RIF1: variants seen among roughly 807,000 people sequenced by gnomAD.
The protein encoded by RIF1 is replication timing regulatory factor 1, also known as telomere-associated protein RIF1.
Under a neutral mutation model 247.1 loss-of-function variants are expected in RIF1, and 45 were observed. That is an observed-to-expected ratio of 0.18 (90% CI 0.14 to 0.23). The LOEUF is 0.23. Among genes scored for constraint, RIF1 ranks in the 10% least tolerant of loss-of-function variants. The pLI, the probability that RIF1 is intolerant of heterozygous loss-of-function variation, is 1.00. For synonymous variants in RIF1, 1,087 were observed against 978.8 expected (o/e 1.11, Z -2.06); for missense variants, 2,967 against 2,862.5 (o/e 1.04, Z -0.83).
In RIF1 at chr2:151,461,120, A is replaced by C. The variant is rs199645697; in HGVS notation, c.3076-18A>C. The C allele has an allele frequency of 3.8e-6, 6 of 1,598,484 alleles. No homozygotes were observed. In the African/African-American group the frequency reaches 8.1e-5, roughly 22 times the overall value. On this transcript the variant is annotated intron_variant, in intron 26 of 35. Coordinates refer to ENST00000444746, the MANE Select transcript of RIF1 (RefSeq NM_018151.5). ...TGGAAGCTAAAATGTACATTTGCTT[A>C]TTTTTTCAAATCTGCAGCTGAAACT...
intron 14 of RIF1, 55 bp from the exon 15 acceptor site, chr2:151,439,972 C>CAAAA (rs1165450117): frequency 0.019 from 5,318 of 275,226 alleles, 349 homozygotes; most frequent in African/African-American, 0.15. Context: ...GACCCTGTCT[C>CAAAA]AAAAAAAAAA....
chr2:151,419,680 C>T (rs112105137), intron 6 of RIF1, among the ~76,000 whole-genome samples: 80 of 152,212 alleles, frequency 5.3e-4, no homozygotes, highest in African/African-American at 1.6e-3. Context: ...GTAAATGCGC[C>T]GTACTTTTAT....
the RIF1 span, chr2:151,519,152 C>T: frequency 3.0e-5 from 27 of 889,422 alleles, no homozygotes; most frequent in African/African-American, 2.3e-4. Flanking sequence ...GATAGCCCAT[C>T]GTCAAACAAA....
the RIF1 span, among the ~76,000 whole-genome samples, chr2:151,526,491 CACTT>C: frequency 6.6e-6 from 1 of 152,160 alleles, no homozygotes; most frequent in Non-Finnish European, 1.5e-5. Flanking sequence ...TATATAGTCA[CACTT>C]ACGTTCACAG....
intron 8 of RIF1, among the ~76,000 whole-genome samples, chr2:151,424,714 G>C (rs1168980162): frequency 2.0e-5 from 3 of 151,772 alleles, no homozygotes; most frequent in Non-Finnish European, 4.4e-5. Context: ...CTATCACCCA[G>C]GCTGGAGTGC....
At position 151,443,596 on chromosome 2, in the gene RIF1, A is replaced by G. The variant is rs1189605359; in HGVS notation, c.1873A>G (p.Ser625Gly). 3 of 1,612,274 alleles carry G rather than the reference A, an allele frequency of 1.9e-6. No homozygotes were observed. Among genetic ancestry groups the G allele is most frequent in the African/African-American group, 1.3e-5 (1 of 74,860 alleles). ...LSGPTSPLAFSDSVLNVINQN... is the reference protein window; with the variant it reads ...LSGPTSPLAFGDSVLNVINQN... ...TGGTCCAACTTCACCACTAGCTTTC[A>G]GTGACTCAGTTTTAAATGTTATTAA... Residue 625 changes from serine (S) to glycine (G), a missense_variant, in exon 18 of 36, where the codon AGT becomes GGT. Around this residue, in one of 7 missense-constraint regions of RIF1, gnomAD observed 369 missense variants for 322.0 expected, o/e 1.15. Transcript: ENST00000444746.
chr2:151,503,232 AACACACACAG>A lies in RIF1; in HGVS notation c.*861+59_*861+68del, dbSNP rs947909582. On this transcript the variant is annotated intron_variant and NMD_transcript_variant, in intron 12 of 13. Coordinates refer to the RIF1 transcript ENST00000454583. Reference sequence around the variant, plus strand: ...TAATTTTGGTCAGGTAATAATACACAACACACACAGACACACACAGAATTGCTGTTAAGAT... The same window carrying A: ...TAATTTTGGTCAGGTAATAATACACAACACACACAGAATTGCTGTTAAGAT... 15 of 765,662 alleles carry A rather than the reference AACACACACAG, an allele frequency of 2.0e-5. No homozygotes were observed. In the Admixed American group the frequency reaches 3.6e-4, roughly 18 times the overall value. 47.4% of individuals were successfully genotyped at this position (765,662 alleles called of 1,614,324 possible).
chr2:151,443,719 A>T lies in RIF1; in HGVS notation c.1986+10A>T. The stretch of plus-strand genomic sequence containing the variant: ...TGAATTGATTAATCAGGTATGAAAT[A>T]AATCTGCTACGTATTTTGGATAATA... On this transcript the variant is annotated intron_variant, in intron 18 of 35. Transcript: ENST00000444746. The T allele has an allele frequency of 6.7e-7, 1 of 1,489,490 alleles. No homozygotes were observed. 92.3% of individuals were successfully genotyped at this position (1,489,490 alleles called of 1,614,324 possible).
In RIF1 at chr2:151,410,034, G is replaced by A. The variant is rs980307348; in HGVS notation, c.-11+1G>A. 1.4e-6 allele frequency: 1 copy of A among 702,952 alleles called. No individual in the cohort carries two copies. The highest frequency in any genetic ancestry group is 2.7e-5 in the East Asian group (1 of 37,282). The allele number at this position is 702,952 out of a possible 1,614,324, so 43.5% of individuals were successfully genotyped here. A position where few individuals can be genotyped will look rare whatever the true frequency, so the allele number is the denominator to read the frequency against. On this transcript the variant is annotated splice_donor_variant, in intron 1 of 35. Coordinates refer to ENST00000444746, the MANE Select transcript of RIF1 (RefSeq NM_018151.5). LOFTEE classifies it low-confidence loss of function (5UTR_SPLICE). Reference sequence around the variant, plus strand: ...GAGAACCCTGTCCTGATCTTCCTAGGTGGGATAAATATCGGGGTGACAGTG... The same window carrying A: ...GAGAACCCTGTCCTGATCTTCCTAGATGGGATAAATATCGGGGTGACAGTG...
At chr2:151,421,937 C>T (rs919974344) in intron 7 of RIF1, among the ~76,000 whole-genome samples, 5 of 151,666 alleles carry the variant, frequency 3.3e-5, no homozygotes, top group East Asian at 3.9e-4. Context: ...TGGGTTCAAG[C>T]GATTCTCCTG....
chr2:151,518,978 T>C, the RIF1 span: 2 of 1,612,218 alleles, frequency 1.2e-6, no homozygotes, highest in Non-Finnish European at 1.7e-6. Context: ...ACTGGCAAGT[T>C]GGCTTGTATT....
chr2:151,427,453 C>A (rs955369150), intron 8 of RIF1, among the ~76,000 whole-genome samples: 1 of 151,278 alleles, frequency 6.6e-6, no homozygotes, highest in East Asian at 2.0e-4. Flanking sequence ...TTAGGTGATT[C>A]GCCTGCCTTG....
chr2:151,416,022 A>G (rs1201647250), intron 4 of RIF1, among the ~76,000 whole-genome samples: 1 of 152,270 alleles, frequency 6.6e-6, no homozygotes, highest in Non-Finnish European at 1.5e-5. Context: ...AGTGGTAATG[A>G]AAGCACAGAA....
At chr2:151,474,113 C>A in intron 35 of RIF1, 41 bp downstream of exon 35, 2 of 913,884 alleles carry the variant, frequency 2.2e-6, no homozygotes, top group African/African-American at 1.7e-5. Flanking sequence ...TTTAGAAGAT[C>A]AGCTGACTTT....
intron 8 of RIF1, among the ~76,000 whole-genome samples, chr2:151,424,668 T>G (rs1007709721): frequency 5.9e-5 from 9 of 151,642 alleles, no homozygotes; most frequent in Admixed American, 1.3e-4. Context: ...TTGAGAAAGC[T>G]CCAAACTCTT....
rs372213489 is a variant in RIF1, at chr2:151,438,038, T to G, written c.1484-646T>G. 2.6e-5 allele frequency among the ~76,000 whole-genome samples: 4 copies of G among 152,350 alleles called. No homozygotes were observed. In the East Asian group the frequency reaches 5.8e-4, roughly 22 times the overall value. On this transcript the variant is annotated intron_variant, in intron 13 of 35. Coordinates refer to ENST00000444746, the MANE Select transcript of RIF1 (RefSeq NM_018151.5). ...TCACATAAATTTTTTCTATTGGTTG[T>G]TAGATATCCTTCTGAATCTCCGTGA...
At chr2:151,474,662 T>G (rs1030797925) in intron 35 of RIF1, among the ~76,000 whole-genome samples, 195 bp from the exon 36 acceptor site, 1 of 152,160 alleles carries the variant, frequency 6.6e-6, no homozygotes, top group Non-Finnish European at 1.5e-5. Context: ...GGCAATAGAA[T>G]GAGGCTCCAT....
the RIF1 span, among the ~76,000 whole-genome samples, chr2:151,533,996 C>A: frequency 2.0e-5 from 3 of 152,180 alleles, no homozygotes; most frequent in Non-Finnish European, 2.9e-5. Flanking sequence ...CCCAGCTTTT[C>A]CTTTCATCTT....
intron 15 of RIF1, 37 bp downstream of exon 15, chr2:151,440,164 A>G (rs1382094947): frequency 8.9e-7 from 1 of 1,123,082 alleles, no homozygotes. Flanking sequence ...TTTAAAAACC[A>G]TTTTCTGAAG....
Sources: gnomAD v4.1 joint callset for allele counts (sites outside exome capture counted in the v4.1 genomes callset) on GRCh38, gnomAD v4.1.1 for gene constraint, gnomAD v4.1.1 regional missense constraint, MANE v1.5 for transcripts, NCBI Gene and HGNC (gene_info 2026-07-23, HGNC 2026-07-21) for gene names.